The following ADGB variants were observed in gnomAD, a reference collection of about 807,000 sequenced individuals.
ADGB encodes calpain-7-like protein.
ADGB carries 172 observed loss-of-function variants against 210.5 expected under a neutral mutation model. That is an observed-to-expected ratio of 0.82 (90% CI 0.72 to 0.93). The LOEUF is 0.93. Among genes scored for constraint, ADGB ranks in the 40% least tolerant of loss-of-function variants. The probability of loss-of-function intolerance (pLI) is 0.00; values close to 1 mark genes in which losing one functional copy is unlikely to be tolerated. For synonymous variants in ADGB, 658 were observed against 662.7 expected (o/e 0.99, Z 0.11); for missense variants, 2,025 against 1,964.8 (o/e 1.03, Z -0.58).
intron 35 of ADGB, chr6:146,807,585 T>C: frequency 6.5e-7 from 1 of 1,537,090 alleles, no homozygotes. Context: ...AAAGAAAAAG[T>C]AACCAGGGGA....
intron 2 of ADGB, among the ~76,000 whole-genome samples, chr6:146,642,554 T>C (rs1420262916): frequency 6.6e-6 from 1 of 151,912 alleles, no homozygotes; most frequent in Non-Finnish European, 1.5e-5. Flanking sequence ...ATATACACCA[T>C]GTGGTACGTA....
chr6:146,645,659 A>G (rs2114872715), intron 3 of ADGB, among the ~76,000 whole-genome samples: 1 of 152,120 alleles, frequency 6.6e-6, no homozygotes, highest in East Asian at 1.9e-4. Context: ...TATGAAATTT[A>G]CTTTATTCCT....
intron 1 of ADGB, among the ~76,000 whole-genome samples, chr6:146,608,020 C>G (rs1444832315): frequency 6.6e-6 from 1 of 152,146 alleles, no homozygotes; most frequent in African/African-American, 2.4e-5. Flanking sequence ...GTGAATCCAT[C>G]TGGTCCAGAG....
At position 146,660,102 on chromosome 6, in the gene ADGB, C is replaced by T. The variant is rs562552729; in HGVS notation, c.612+3122C>T. The stretch of plus-strand genomic sequence containing the variant: ...CCCCAACATCAAACTGGCTGTTGTA[C>T]TTCTTAAACATCCACTTCCCATGCC... On this transcript the variant is annotated intron_variant, in intron 5 of 35. Transcript: ENST00000397944. Among the ~76,000 whole-genome samples the T allele has an allele frequency of 6.6e-5, 10 of 152,226 alleles. No homozygotes were observed. The East Asian group carries it at 1.7e-3, about 27-fold the overall frequency.
At chr6:146,638,971 C>T (rs984480929) in intron 2 of ADGB, 3 of 151,580 alleles carry the variant, frequency 2.0e-5, no homozygotes, top group Non-Finnish European at 2.9e-5. Flanking sequence ...TTGTGCAAGC[C>T]TCAAACTTTG....
chr6:146,803,286 C>G (rs1778159563), intron 35 of ADGB: 1 of 1,606,098 alleles, frequency 6.2e-7, no homozygotes, highest in African/African-American at 1.3e-5. Context: ...AAAAAACCCA[C>G]TATATTTTGA....
At position 146,711,100 on chromosome 6, in the gene ADGB, C is replaced by T. The variant is rs116733029; in HGVS notation, c.1708-4282C>T. Among the ~76,000 whole-genome samples the T allele has an allele frequency of 9.5e-4, 144 of 152,254 alleles. 1 individual carries two copies. The highest frequency in any genetic ancestry group is 3.3e-3 in the African/African-American group (136 of 41,552). ...CTTACTATCCCATATCTACACTTTC[C>T]CCTGTCTTCAAGATTTTGTCATTTC... On this transcript the variant is annotated intron_variant, in intron 13 of 35. Coordinates refer to ENST00000397944, the MANE Select transcript of ADGB (RefSeq NM_024694.4).
Position 146,656,926 on chromosome 6 carries a change from T to C in ADGB, c.558T>C (p.Gly186=). 1.3e-6 allele frequency: 2 copies of C among 1,551,616 alleles called. No homozygotes were observed. The highest frequency in any genetic ancestry group is 1.7e-6 in the Non-Finnish European group (2 of 1,146,894). ...HIYSLCKAVK[G]HMPLFNSYGK... ...ACTCTCTGTGCAAGGCTGTGAAGGG[T>C]CATATGCCTTTGTTCAATAGCTATG... The change falls in exon 5 of 36, where the codon GGT becomes GGC. Residue 186 remains glycine, a synonymous_variant. Transcript: ENST00000397944.
intron 9 of ADGB, among the ~76,000 whole-genome samples, chr6:146,677,375 G>A (rs1776099515): frequency 6.6e-6 from 1 of 151,960 alleles, no homozygotes; most frequent in Non-Finnish European, 1.5e-5. Flanking sequence ...ACATCTAGTA[G>A]TGTGCCTTAT....
intron 23 of ADGB, among the ~76,000 whole-genome samples, chr6:146,737,998 C>G (rs1450252803): frequency 2.0e-5 from 3 of 152,164 alleles, no homozygotes; most frequent in African/African-American, 7.2e-5. Flanking sequence ...CCAGTGGCAT[C>G]CAAAGCTACC....
intron 9 of ADGB, among the ~76,000 whole-genome samples, chr6:146,681,219 T>TGGTG (rs1315973879): frequency 6.6e-6 from 1 of 152,132 alleles, no homozygotes; most frequent in Non-Finnish European, 1.5e-5. Context: ...GGTGCTGTCT[T>TGGTG]CATGACAGTA....
At chr6:146,631,540 A>G (rs573962616) in intron 1 of ADGB, among the ~76,000 whole-genome samples, 1 of 152,190 alleles carries the variant, frequency 6.6e-6, no homozygotes, top group South Asian at 2.1e-4. Flanking sequence ...CAGAGTTTCA[A>G]TTAGGTATAT....
At chr6:146,619,291 G>A (rs1780850282) in intron 1 of ADGB, among the ~76,000 whole-genome samples, 1 of 151,954 alleles carries the variant, frequency 6.6e-6, no homozygotes, top group South Asian at 2.1e-4. Flanking sequence ...GTCATAGACA[G>A]AATATTTGGA....
chr6:146,793,209 ATTTTACAGAGCACTGATTGGTGCG>A (rs1194523028), intron 33 of ADGB, among the ~76,000 whole-genome samples: 14,587 of 151,984 alleles, frequency 0.096, 1,150 homozygotes, highest in African/African-American at 0.22. Context: ...TGATTGGTGC[ATTTTACAGAGCACTGATTGGTGCG>A]TTTTACAGAG....
rs1483246232 is a variant in ADGB at position 146,720,353 on chromosome 6, TATTAA to T, written c.1993-1049_1993-1045del. Among the ~76,000 whole-genome samples, 5 of 152,270 alleles carry T rather than the reference TATTAA, an allele frequency of 3.3e-5. No homozygotes were observed. The East Asian group carries it at 9.7e-4, about 29-fold the overall frequency. ...TAATGTATCTAATTATATTAAGTATTATTAATAAGTACTGTTAATGTATAATTAGA... is the reference window on the plus strand; with the variant it reads ...TAATGTATCTAATTATATTAAGTATTTAAGTACTGTTAATGTATAATTAGA... On this transcript the variant is annotated intron_variant, in intron 16 of 35. Coordinates refer to ENST00000397944, the MANE Select transcript of ADGB (RefSeq NM_024694.4).
At chr6:146,802,824 C>T in intron 35 of ADGB, 1 of 1,609,238 alleles carries the variant, frequency 6.2e-7, no homozygotes, top group Non-Finnish European at 8.5e-7. Flanking sequence ...TAAGCATCTA[C>T]ATCCTTAGCT....
At chr6:146,605,532 A>C (rs906897272) in intron 1 of ADGB, among the ~76,000 whole-genome samples, 1 of 152,132 alleles carries the variant, frequency 6.6e-6, no homozygotes, top group African/African-American at 2.4e-5. Flanking sequence ...ATTTTATATT[A>C]TATATTTCAT....
intron 1 of ADGB, among the ~76,000 whole-genome samples, chr6:146,634,854 T>G (rs1469071616): frequency 2.0e-5 from 3 of 152,024 alleles, no homozygotes; most frequent in Admixed American, 1.3e-4. Context: ...CTTAGTTAAA[T>G]GAAATAAGGT....
chr6:146,685,917 C>T, intron 10 of ADGB, 89 bp downstream of exon 10: 1 of 709,464 alleles, frequency 1.4e-6, no homozygotes, highest in South Asian at 3.5e-5. Flanking sequence ...GTAGAAGGCA[C>T]ATGAAAATTT....
Sources: allele counts gnomAD v4.1 joint callset (sites outside exome capture counted in the v4.1 genomes callset), GRCh38; gene constraint gnomAD v4.1.1; transcripts MANE v1.5; gene names NCBI Gene and HGNC (gene_info 2026-07-23, HGNC 2026-07-21).